Variants in AMOTL1 observed in about 807,000 individuals in gnomAD.
AMOTL1 encodes the protein angiomotin-like protein 1.
AMOTL1 carries 45 observed loss-of-function variants against 102.9 expected under a neutral mutation model. That is an observed-to-expected ratio of 0.44 (90% CI 0.34 to 0.56). The LOEUF is 0.56. Ranked by LOEUF, AMOTL1 falls within the 20% of genes least tolerant of loss-of-function variation. The probability of loss-of-function intolerance (pLI) is 0.01; values close to 1 mark genes in which losing one functional copy is unlikely to be tolerated. For missense variants in AMOTL1, 1,114 were observed against 1,225.6 expected, an observed-to-expected ratio of 0.91 and a Z score of 1.36; for synonymous variants, 481 against 484.7, an observed-to-expected ratio of 0.99 and a Z score of 0.10.
chr11:94,713,937 G>A (rs1950056210), intron 1 of AMOTL1, among the ~76,000 whole-genome samples: 1 of 151,880 alleles, frequency 6.6e-6, no homozygotes, highest in African/African-American at 2.4e-5. Flanking sequence ...ACTATGTTAA[G>A]TAAGAGAGAT....
chr11:94,818,459 G>T (rs984971647), intron 3 of AMOTL1, among the ~76,000 whole-genome samples: 2 of 152,180 alleles, frequency 1.3e-5, no homozygotes, highest in Non-Finnish European at 1.5e-5. Context: ...TTGCAGTAAA[G>T]CCAATTAAAA....
At chr11:94,795,286 A>G (rs756768363) in intron 2 of AMOTL1, 126 bp downstream of exon 2, 4 of 1,256,440 alleles carry the variant, frequency 3.2e-6, no homozygotes, top group African/African-American at 1.5e-5. Context: ...ATATTGGATT[A>G]TTGATTGTCT....
In AMOTL1 at chr11:94,876,114, A is replaced by C. The variant is rs1251968122; in HGVS notation, c.*5319A>C. 1 of 152,674 alleles carries C rather than the reference A, an allele frequency of 6.5e-6. No individual in the cohort carries two copies. The highest frequency in any genetic ancestry group is 2.4e-5 in the African/African-American group (1 of 41,466). 9.5% of individuals were successfully genotyped at this position (152,674 alleles called of 1,614,324 possible). A position where few individuals can be genotyped will look rare whatever the true frequency, so the allele number is the denominator to read the frequency against. ...TCTGGATGCCCGGTGTTGTGTTTAC[A>C]TGTGATTGTGCCTAGGAGTCTGTTC... On this transcript the variant is annotated 3_prime_UTR_variant, in exon 13 of 13. Transcript: ENST00000433060.
chr11:94,796,713 G>A (rs1334792148), intron 2 of AMOTL1, among the ~76,000 whole-genome samples: 3 of 152,060 alleles, frequency 2.0e-5, no homozygotes, highest in African/African-American at 4.8e-5. Context: ...GGGCCATCAC[G>A]GAGTTACAGT....
rs1953033620 is a variant in AMOTL1, at chr11:94,873,142, T to G, written c.*2347T>G. On this transcript the variant is annotated 3_prime_UTR_variant, in exon 13 of 13. Coordinates refer to ENST00000433060, the MANE Select transcript of AMOTL1 (RefSeq NM_130847.3). ...CGTCTTCATGCCCCAGACACCTGAT[T>G]GCCCCAATCAGGTGTCAGACTTGCT... The G allele has an allele frequency of 6.6e-6, 1 of 152,138 alleles. No individual in the cohort carries two copies. Among genetic ancestry groups the G allele is most frequent in the Admixed American group, 6.5e-5 (1 of 15,290 alleles). The allele number at this position is 152,138 out of a possible 1,614,324, so 9.4% of individuals were successfully genotyped here. A position where few individuals can be genotyped will look rare whatever the true frequency, so the allele number is the denominator to read the frequency against.
At chr11:94,810,706 CAG>C (rs1162738109) in intron 3 of AMOTL1, among the ~76,000 whole-genome samples, 6 of 151,468 alleles carry the variant, frequency 4.0e-5, no homozygotes, top group Non-Finnish European at 5.9e-5. Context: ...CCTTATGCAG[CAG>C]AGTGTGGCAA....
At chr11:94,721,382 C>CT (rs36046062) in intron 1 of AMOTL1, among the ~76,000 whole-genome samples, 46 of 147,396 alleles carry the variant, frequency 3.1e-4, no homozygotes, top group African/African-American at 3.7e-4. Context: ...ACCTGTACTA[C>CT]TTTTTTTTTT....
intron 2 of AMOTL1, among the ~76,000 whole-genome samples, chr11:94,730,175 A>G (rs1234092776): frequency 6.6e-6 from 1 of 152,064 alleles, no homozygotes; most frequent in Admixed American, 6.5e-5. Context: ...AAACCTCCCT[A>G]GTTCAACACA....
chr11:94,810,831 GACAC>G (rs3995610), intron 3 of AMOTL1, among the ~76,000 whole-genome samples: 78,864 of 143,498 alleles, frequency 0.55, 21,735 homozygotes, highest in Non-Finnish European at 0.6. Context: ...AAAAATAAAA[GACAC>G]ACACACACAC....
chr11:94,764,133 A>T (rs974706473), upstream of AMOTL1, among the ~76,000 whole-genome samples: 2 of 152,166 alleles, frequency 1.3e-5, no homozygotes, highest in Non-Finnish European at 2.9e-5. Context: ...TTTCCTGTGC[A>T]TCATTCCTCT....
chr11:94,741,217 T>C (rs896471216), intron 3 of AMOTL1, among the ~76,000 whole-genome samples: 12 of 151,658 alleles, frequency 7.9e-5, no homozygotes, highest in African/African-American at 2.9e-4. Context: ...TGTGTGTGTG[T>C]GTGCGTGCGT....
intron 1 of AMOTL1, among the ~76,000 whole-genome samples, chr11:94,782,445 A>G (rs1951127450): frequency 6.6e-6 from 1 of 152,180 alleles, no homozygotes; most frequent in Non-Finnish European, 1.5e-5. Context: ...TATACTTGAA[A>G]TGTTTCAATG....
intron 2 of AMOTL1, chr11:94,729,062 C>A (rs1262600843): frequency 7.8e-7 from 1 of 1,288,894 alleles, no homozygotes; most frequent in South Asian, 1.2e-5. Context: ...GCGGGTAAGG[C>A]CGTTTTTGAT....
In AMOTL1 at chr11:94,779,980, T is replaced by A. The variant is rs189255825; in HGVS notation, c.49+11420T>A. ...CCTGAAGGAATAGACTTTTTCTGCATTTTTGGTAGTAAAGAGTTTTTCCTA... is the reference window on the plus strand; with the variant it reads ...CCTGAAGGAATAGACTTTTTCTGCAATTTTGGTAGTAAAGAGTTTTTCCTA... On this transcript the variant is annotated intron_variant, in intron 1 of 12. Coordinates refer to ENST00000433060, the MANE Select transcript of AMOTL1 (RefSeq NM_130847.3). Among the ~76,000 whole-genome samples the A allele has an allele frequency of 1.9e-3, 293 of 152,324 alleles. 2 individuals are homozygous for A. Among genetic ancestry groups the A allele is most frequent in the African/African-American group, 6.5e-3 (272 of 41,572 alleles).
intron 7 of AMOTL1, among the ~76,000 whole-genome samples, chr11:94,852,823 T>A (rs950654472): frequency 2.6e-4 from 39 of 152,222 alleles, no homozygotes; most frequent in Admixed American, 2.3e-3. Flanking sequence ...ATAAGAAAAA[T>A]TTTTTATTTA....
rs1326060343 is a variant in AMOTL1, at chr11:94,736,849, A to G, written c.86-4089A>G. Among the ~76,000 whole-genome samples the G allele has an allele frequency of 2.0e-5, 3 of 152,188 alleles. No homozygotes were observed. The South Asian group carries it at 6.2e-4, about 32-fold the overall frequency. ...TGAGATTCAATAAGGTCTGTCATGG[A>G]ATCCCTTATTAGAAGGGCACTGATC... On this transcript the variant is annotated intron_variant, in intron 2 of 4. Coordinates refer to the AMOTL1 transcript ENST00000299004.
chr11:94,743,198 T>C (rs1030406873), intron 3 of AMOTL1, among the ~76,000 whole-genome samples: 7 of 152,208 alleles, frequency 4.6e-5, no homozygotes, highest in African/African-American at 1.7e-4. Flanking sequence ...AGTTTCCTTA[T>C]CTGCAAAAAG....
intron 1 of AMOTL1, among the ~76,000 whole-genome samples, chr11:94,770,791 C>T (rs1950937668): frequency 6.6e-6 from 1 of 152,178 alleles, no homozygotes; most frequent in Admixed American, 6.5e-5. Flanking sequence ...AAGAAAAACA[C>T]ATGAATGCAG....
intron 1 of AMOTL1, among the ~76,000 whole-genome samples, chr11:94,722,863 A>G (rs371262379): frequency 6.6e-6 from 1 of 152,286 alleles, no homozygotes; most frequent in South Asian, 2.1e-4. Flanking sequence ...TTTCATACCC[A>G]TAAAAAACTA....
Sources: allele counts gnomAD v4.1 joint callset (sites outside exome capture counted in the v4.1 genomes callset), GRCh38; gene constraint gnomAD v4.1.1; transcripts MANE v1.5; gene names NCBI Gene and HGNC (gene_info 2026-07-23, HGNC 2026-07-21).